The following BIN3 variants were observed in gnomAD, a reference collection of about 807,000 sequenced individuals.
BIN3 encodes bridging integrator 3.
BIN3 carries 41 observed loss-of-function variants against 38.2 expected under a neutral mutation model. The ratio of observed to expected loss-of-function variants is 1.07; its 90% confidence interval spans 0.84 to 1.39. The LOEUF is 1.39. Ranked by LOEUF, BIN3 falls within the 40% of genes most tolerant of loss-of-function variation. BIN3 has a pLI of 0.00. For synonymous variants in BIN3, 145 were observed against 122.6 expected (o/e 1.18, Z -1.21); for missense variants, 361 against 324.3 (o/e 1.11, Z -0.87).
At chr8:22,647,136 G>C (rs1415041095) in intron 1 of BIN3, among the ~76,000 whole-genome samples, 1 of 152,140 alleles carries the variant, frequency 6.6e-6, no homozygotes, top group Non-Finnish European at 1.5e-5. Context: ...TCTAAAACTG[G>C]AATTCTAAAC....
intron 1 of BIN3, among the ~76,000 whole-genome samples, chr8:22,664,080 T>C (rs1803331993): frequency 6.6e-6 from 1 of 152,224 alleles, no homozygotes. Context: ...ACCATGTATG[T>C]GCATCACACT....
chr8:22,637,075 G>A (rs1345771584), intron 2 of BIN3, 113 bp from the exon 3 acceptor site: 1 of 910,216 alleles, frequency 1.1e-6, no homozygotes, highest in Non-Finnish European at 1.8e-6. Flanking sequence ...AAAACAACAT[G>A]GTCCAGTTCA....
chr8:22,666,682 G>A (rs1803432300), intron 1 of BIN3, among the ~76,000 whole-genome samples: 1 of 152,186 alleles, frequency 6.6e-6, no homozygotes, highest in African/African-American at 2.4e-5. Context: ...TTCATGCAAA[G>A]TCCACAGTGT....
chr8:22,663,207 A>AGTGT (rs3220194), intron 1 of BIN3, among the ~76,000 whole-genome samples: 4,925 of 150,236 alleles, frequency 0.033, 176 homozygotes, highest in African/African-American at 0.09. Context: ...TTCAAGTATA[A>AGTGT]GTGTGTGTGT....
chr8:22,625,299 GTC>G (rs1200021961), intron 6 of BIN3: 2 of 702,014 alleles, frequency 2.8e-6, no homozygotes, highest in Non-Finnish European at 5.2e-6. Context: ...GGCAGGGGGC[GTC>G]TACCAGGCAA....
intron 1 of BIN3, among the ~76,000 whole-genome samples, chr8:22,652,069 G>T (rs186843427): frequency 1.3e-5 from 2 of 151,032 alleles, no homozygotes; most frequent in Middle Eastern, 3.4e-3. Context: ...TTTTAAAATG[G>T]TATCTTATTT....
intron 4 of BIN3, among the ~76,000 whole-genome samples, chr8:22,635,314 C>T (rs1337682919): frequency 3.3e-5 from 5 of 152,170 alleles, no homozygotes; most frequent in Admixed American, 6.5e-5. Context: ...CCTCCTAGAA[C>T]GTAAGCTCCC....
intron 1 of BIN3, among the ~76,000 whole-genome samples, chr8:22,665,853 AG>A (rs1178250255): frequency 6.6e-6 from 1 of 152,236 alleles, no homozygotes; most frequent in Non-Finnish European, 1.5e-5. Flanking sequence ...AGACAGAGGT[AG>A]AAGACCCCGG....
Position 22,636,500 on chromosome 8 carries a change from G to C in BIN3, c.160+25C>G, listed in dbSNP as rs1037948973. The C allele has an allele frequency of 2.6e-6, 4 of 1,551,050 alleles. No individual in the cohort carries two copies. In the African/African-American group the frequency reaches 5.5e-5, roughly 21 times the overall value. On this transcript the variant is annotated intron_variant, in intron 4 of 8. Transcript: ENST00000276416. ...ACCTCTGCCCCACCTGCTCAAGCGA[G>C]TGGTGCGGGTGGAAAGTCACCTACC... is the stretch of plus-strand genomic sequence containing the variant.
intron 1 of BIN3, among the ~76,000 whole-genome samples, chr8:22,658,917 G>A (rs886962337): frequency 1.2e-4 from 19 of 152,234 alleles, no homozygotes; most frequent in Non-Finnish European, 2.2e-4. Context: ...GCAAGAGCAG[G>A]AAGGTGGGCG....
intron 6 of BIN3, among the ~76,000 whole-genome samples, chr8:22,628,156 G>A (rs531491401): frequency 1.5e-4 from 23 of 152,342 alleles, no homozygotes; most frequent in African/African-American, 5.5e-4. Flanking sequence ...CTGTGCCCAC[G>A]CAGCCGGGAG....
chr8:22,628,221 C>T (rs973328483), intron 6 of BIN3, among the ~76,000 whole-genome samples: 6 of 152,208 alleles, frequency 3.9e-5, no homozygotes, highest in South Asian at 2.1e-4. Context: ...CATGTGAATA[C>T]GGCCCAGAGA....
At chr8:22,624,430 C>T (rs551206356) in intron 6 of BIN3, 67 bp from the exon 7 acceptor site, 1 of 1,563,388 alleles carries the variant, frequency 6.4e-7, no homozygotes, top group Non-Finnish European at 8.7e-7. Context: ...GATGGGTCTG[C>T]TCTTGGAGGG....
chr8:22,623,606 C>CG (rs1801912687), intron 8 of BIN3, among the ~76,000 whole-genome samples: 2 of 152,164 alleles, frequency 1.3e-5, no homozygotes, highest in African/African-American at 4.8e-5. Flanking sequence ...CTTGAGGGTG[C>CG]GGGGCAGAGG....
At chr8:22,628,951 C>G (rs1393458336) in intron 6 of BIN3, among the ~76,000 whole-genome samples, 2 of 152,182 alleles carry the variant, frequency 1.3e-5, no homozygotes, top group African/African-American at 4.8e-5. Flanking sequence ...GATGCCCACT[C>G]TGGGGAGGCT....
At chr8:22,628,178 C>T (rs1272300691) in intron 6 of BIN3, among the ~76,000 whole-genome samples, 1 of 152,240 alleles carries the variant, frequency 6.6e-6, no homozygotes, top group African/African-American at 2.4e-5. Flanking sequence ...TTCCACCCAC[C>T]AGGAAAGGGA....
At chr8:22,626,730 C>T (rs369477573) in intron 6 of BIN3, among the ~76,000 whole-genome samples, 6 of 152,176 alleles carry the variant, frequency 3.9e-5, no homozygotes, top group Admixed American at 3.9e-4. Context: ...GGCATCACAG[C>T]GTGAAGCCGT....
intron 8 of BIN3, among the ~76,000 whole-genome samples, chr8:22,623,447 C>G (rs937880226): frequency 6.6e-6 from 1 of 152,138 alleles, no homozygotes; most frequent in Non-Finnish European, 1.5e-5. Context: ...AGCCCCCTTC[C>G]TTAGTGGTTC....
chr8:22,629,848 G>C, intron 6 of BIN3, 116 bp downstream of exon 6: 5 of 1,060,154 alleles, frequency 4.7e-6, no homozygotes, highest in South Asian at 2.7e-5. Context: ...TGAGTTTCCC[G>C]TCAGGCCCCA....
Sources: gnomAD v4.1 joint callset for allele counts (sites outside exome capture counted in the v4.1 genomes callset) on GRCh38, gnomAD v4.1.1 for gene constraint, MANE v1.5 for transcripts, NCBI Gene and HGNC (gene_info 2026-07-23, HGNC 2026-07-21) for gene names.